The following RREB1 variants were observed in gnomAD, a reference collection of about 807,000 sequenced individuals.
RREB1 encodes the protein ras responsive element binding protein 1, also known as ras-responsive element-binding protein 1.
In RREB1, 27 loss-of-function variants were observed where a neutral mutation model predicts 117.8. The ratio of observed to expected loss-of-function variants is 0.23; its 90% CI spans 0.17 to 0.32. The LOEUF (loss-of-function observed/expected upper bound fraction) is 0.32, where lower values mean the gene tolerates loss of function less well. Among genes scored for constraint, RREB1 ranks in the 10% least tolerant of loss-of-function variants. The pLI is 1.00. For synonymous variants in RREB1, 1,298 were observed against 1,026.7 expected, an observed-to-expected ratio of 1.26 and a Z score of -5.05; for missense variants, 2,577 against 2,378.2, an observed-to-expected ratio of 1.08 and a Z score of -1.74.
At chr6:7,241,508 C>G (rs1348564826) in intron 11 of RREB1, among the ~76,000 whole-genome samples, 2 of 152,174 alleles carry the variant, frequency 1.3e-5, no homozygotes, top group African/African-American at 4.8e-5. Context: ...ATCCCCCCAG[C>G]TGTGTTTTTT....
chr6:7,221,585 T>C (rs936370050), intron 8 of RREB1, among the ~76,000 whole-genome samples: 19 of 152,268 alleles, frequency 1.2e-4, no homozygotes, highest in African/African-American at 4.3e-4. Flanking sequence ...TTTTGACTTA[T>C]AGGAGTGCCT....
chr6:7,182,049 T>A lies in RREB1; in HGVS notation c.138T>A (p.Pro46=). The A allele has an allele frequency of 6.2e-7, 1 of 1,614,142 alleles. No individual in the cohort carries two copies. Among genetic ancestry groups the A allele is most frequent in the Non-Finnish European group, 8.5e-7 (1 of 1,180,026 alleles). The change falls in exon 4 of 13, where the codon CCT becomes CCA. Residue 46 remains proline (P), a synonymous_variant. Transcript: ENST00000379938. The part of the protein sequence containing the change: ...SPQGIKSPSK[P]PGPNRIGRRN... ...AGGGGATCAAGTCCCCCTCGAAGCC[T>A]CCAGGACCAAATCGGATTGGCAGAA...
At chr6:7,121,593 A>T (rs1216172623) in intron 1 of RREB1, among the ~76,000 whole-genome samples, 1 of 152,006 alleles carries the variant, frequency 6.6e-6, no homozygotes, top group African/African-American at 2.4e-5. Context: ...TGGGCCCTCC[A>T]CTAGATCTCC....
chr6:7,239,515 C>T (rs964028067), intron 10 of RREB1, among the ~76,000 whole-genome samples: 1 of 152,166 alleles, frequency 6.6e-6, no homozygotes, highest in African/African-American at 2.4e-5. Context: ...CATTTTGAAA[C>T]ATGATGTTTA....
rs1167574239 is a variant in RREB1 at position 7,246,806 on chromosome 6, C to T, written c.4356C>T (p.Thr1452=). 3 of 1,553,622 alleles carry T rather than the reference C, an allele frequency of 1.9e-6. No homozygotes were observed. Among genetic ancestry groups the T allele is most frequent in the South Asian group, 1.2e-5 (1 of 84,442 alleles). Residue 1452 remains threonine, a synonymous_variant, in exon 12 of 13, where the codon ACC becomes ACT. Coordinates refer to ENST00000379938, the MANE Select transcript of RREB1 (RefSeq NM_001003699.4). ...AGGAGCAGAAGCTCGCCTGCGACAC[C>T]TGTGGGAAGAGCTTCAAGTTCCTGG... ...ASQEQKLACD[T]CGKSFKFLGT...
In RREB1 at chr6:7,211,778, C is replaced by G. The variant is rs1384720531; in HGVS notation, c.707+69C>G. ...CTGGCATGTGACAATGTTCTTAAGTCCCGTTACTCCACACCGGGCTCCAGT... is the reference window on the plus strand; with the variant it reads ...CTGGCATGTGACAATGTTCTTAAGTGCCGTTACTCCACACCGGGCTCCAGT... On this transcript the variant is annotated intron_variant, in intron 8 of 12. Coordinates refer to ENST00000379938, the MANE Select transcript of RREB1 (RefSeq NM_001003699.4). 2.0e-6 allele frequency: 3 copies of G among 1,510,180 alleles called. No individual in the cohort carries two copies. The East Asian group carries it at 6.8e-5, about 34-fold the overall frequency. The allele number at this position is 1,510,180 out of a possible 1,614,324, so 93.5% of individuals were successfully genotyped here.
At position 7,246,583 on chromosome 6, in the gene RREB1, A is replaced by G. The variant is rs770936854; in HGVS notation, c.4133A>G (p.His1378Arg). The G allele has an allele frequency of 1.9e-6, 3 of 1,553,226 alleles. No homozygotes were observed. Among genetic ancestry groups the G allele is most frequent in the East Asian group, 4.8e-5 (2 of 41,430 alleles). ...ACGGCGGAAACGGCCTCGCCGGTGC[A>G]CCGGGAAGAGCACGGGCGTGGGGAG... ...QATAETASPV[H>R]REEHGRGESH... Residue 1378 changes from histidine (H) to arginine (R), a missense_variant, in exon 12 of 13, where the codon CAC (histidine) becomes CGC (arginine). Coordinates refer to ENST00000379938, the MANE Select transcript of RREB1 (RefSeq NM_001003699.4).
At chr6:7,248,371 G>A in intron 12 of RREB1, 140 bp from the exon 13 acceptor site, 2 of 677,646 alleles carry the variant, frequency 3.0e-6, no homozygotes, top group Non-Finnish European at 2.5e-6. Flanking sequence ...GCTGGTTCAA[G>A]GAAGAGGCCT....
At chr6:7,223,299 C>T (rs753232582) in intron 8 of RREB1, among the ~76,000 whole-genome samples, 4 of 147,896 alleles carry the variant, frequency 2.7e-5, no homozygotes, top group South Asian at 2.1e-4. Context: ...CGATGGCTCA[C>T]GCCTGTAATC....
rs978390962 is a variant in RREB1 at position 7,249,300 on chromosome 6, T to C, written c.*332T>C. 38 of 285,526 alleles carry C rather than the reference T, an allele frequency of 1.3e-4. No individual in the cohort carries two copies. The highest frequency in any genetic ancestry group is 8.0e-4 in the African/African-American group (37 of 46,094). 17.7% of individuals were successfully genotyped at this position (285,526 alleles called of 1,614,324 possible). On this transcript the variant is annotated 3_prime_UTR_variant, in exon 13 of 13. Transcript: ENST00000379938. ...AATTGTCTGGAGAGGACCTCTTCAT[T>C]TGAGCATTAGCGTTATTTTGTATTG...
Position 7,209,735 on chromosome 6 carries a change from A to G in RREB1, c.426-1069A>G, listed in dbSNP as rs373985159. On this transcript the variant is annotated intron_variant, in intron 6 of 12. Coordinates refer to ENST00000379938, the MANE Select transcript of RREB1 (RefSeq NM_001003699.4). ...GCAAGACTCCATCTCAACAACAAAAAAGGAGAGTACAGCTAAAAAGAGAGC... is the reference window on the plus strand; with the variant it reads ...GCAAGACTCCATCTCAACAACAAAAGAGGAGAGTACAGCTAAAAAGAGAGC... Among the ~76,000 whole-genome samples, 16 of 152,322 alleles carry G rather than the reference A, an allele frequency of 1.1e-4. No individual in the cohort carries two copies. In the East Asian group the frequency reaches 2.7e-3, roughly 26 times the overall value.
chr6:7,156,296 A>G (rs1763358698), intron 1 of RREB1, among the ~76,000 whole-genome samples: 1 of 152,234 alleles, frequency 6.6e-6, no homozygotes, highest in Non-Finnish European at 1.5e-5. Context: ...TAGGTACTTC[A>G]GCAGAGGTGT....
intron 5 of RREB1, among the ~76,000 whole-genome samples, chr6:7,188,252 T>TGTGTGTGCGC (rs1411771705): frequency 6.8e-5 from 10 of 147,668 alleles, no homozygotes; most frequent in African/African-American, 2.5e-4. Flanking sequence ...TGTGTGTGTG[T>TGTGTGTGCGC]GCGCGCGCGC....
intron 8 of RREB1, chr6:7,218,366 G>T (rs1293581037): frequency 6.6e-6 from 1 of 152,126 alleles, no homozygotes; most frequent in African/African-American, 2.4e-5. Flanking sequence ...AGGCCTGTTT[G>T]TTGACTTTGG....
At chr6:7,216,479 C>T (rs1766906733) in intron 8 of RREB1, 1 of 152,202 alleles carries the variant, frequency 6.6e-6, no homozygotes, top group Non-Finnish European at 1.5e-5. Context: ...CTGACAGGAA[C>T]CTCGGCTCCA....
chr6:7,162,145 C>T (rs1010881951), intron 1 of RREB1, among the ~76,000 whole-genome samples: 3 of 152,054 alleles, frequency 2.0e-5, no homozygotes, highest in African/African-American at 7.2e-5. Flanking sequence ...TTTTCATGGA[C>T]AAGACACACA....
Position 7,230,018 on chromosome 6 carries a change from A to G in RREB1, c.1919A>G (p.Lys640Arg). ...GGCAAGAAGACGCCCGCCATGCGCA[A>G]GGTGCTCTACCCCTGCCGCTTCTGC... ...PGGKKTPAMRKVLYPCRFCNQ... is the reference protein window; with the variant it reads ...PGGKKTPAMRRVLYPCRFCNQ... Residue 640 changes from lysine (K) to arginine (R), a missense_variant, in exon 10 of 13, where the codon AAG becomes AGG. Physicochemically the swap from Lys to Arg is conservative, Grantham distance 26. Transcript: ENST00000379938. The G allele has an allele frequency of 6.2e-7, 1 of 1,610,234 alleles. No homozygotes were observed. The highest frequency in any genetic ancestry group is 8.5e-7 in the Non-Finnish European group (1 of 1,177,604).
At position 7,246,474 on chromosome 6, in the gene RREB1, C is replaced by T; in HGVS notation, c.4024C>T (p.Leu1342Phe). ...TAAAAGEVLD[L>F]TSRDREQPSE... ...AGCCGCCGCGGGCGAAGTGCTAGACCTCACCTCACGGGACAGAGAGCAGCC... is the reference window on the plus strand; with the variant it reads ...AGCCGCCGCGGGCGAAGTGCTAGACTTCACCTCACGGGACAGAGAGCAGCC... Residue 1342 changes from leucine to phenylalanine, a missense_variant, in exon 12 of 13, where the codon CTC (leucine) becomes TTC (phenylalanine). Physicochemically the swap from Leu to Phe is conservative, Grantham distance 22 (BLOSUM62 0). Coordinates refer to ENST00000379938, the MANE Select transcript of RREB1 (RefSeq NM_001003699.4). 6.5e-7 allele frequency: 1 copy of T among 1,537,458 alleles called. No individual in the cohort carries two copies. Among genetic ancestry groups the T allele is most frequent in the South Asian group, 1.2e-5 (1 of 83,332 alleles).
intron 8 of RREB1, chr6:7,212,976 C>T (rs1204876057): frequency 6.6e-6 from 1 of 152,086 alleles, no homozygotes; most frequent in Non-Finnish European, 1.5e-5. Flanking sequence ...ACGGAACTCC[C>T]CAGTCTCAAG....
Sources: gnomAD v4.1 joint callset for allele counts (sites outside exome capture counted in the v4.1 genomes callset) on GRCh38, gnomAD v4.1.1 for gene constraint, MANE v1.5 for transcripts, NCBI Gene and HGNC (gene_info 2026-07-23, HGNC 2026-07-21) for gene names.